Variants in UPK3A observed in about 807,000 individuals in gnomAD.
UPK3A encodes uroplakin-3a.
UPK3A carries 32 observed loss-of-function variants against 27.6 expected under a neutral mutation model. The observed-to-expected ratio is 1.16, with a 90% confidence interval of 0.87 to 1.55. The LOEUF is 1.55. UPK3A is among the 40% of genes most tolerant of loss of function. The probability of loss-of-function intolerance (pLI) is 0.00; values close to 1 mark genes in which losing one functional copy is unlikely to be tolerated. For missense variants in UPK3A, 370 were observed against 367.9 expected (o/e 1.01, Z -0.05); for synonymous variants, 171 against 163.9 (o/e 1.04, Z -0.33).
In UPK3A at chr22:45,295,492, C is replaced by G. The variant is rs903240864; in HGVS notation, c.705-68C>G. 10 of 1,571,650 alleles carry G rather than the reference C, an allele frequency of 6.4e-6. No homozygotes were observed. The South Asian group carries it at 1.1e-4, about 17-fold the overall frequency. ...AGCTATGTCTGAGTATGAAGGTCCC[C>G]AAGCAGCTAAAGGCATTTGGGTTTG... On this transcript the variant is annotated intron_variant, in intron 5 of 5. Transcript: ENST00000216211.
At chr22:45,291,098 C>T (rs999221575) in intron 4 of UPK3A, among the ~76,000 whole-genome samples, 1 of 152,310 alleles carries the variant, frequency 6.6e-6, no homozygotes, top group South Asian at 2.1e-4. Flanking sequence ...CCACCCCCAG[C>T]CCACTCCCGT....
intron 5 of UPK3A, 83 bp from the exon 6 acceptor site, chr22:45,295,477 G>T: frequency 7.0e-7 from 1 of 1,433,064 alleles, no homozygotes. Flanking sequence ...AGCTATGTCT[G>T]AGTATGAAGG....
intron 3 of UPK3A, 104 bp downstream of exon 3, chr22:45,287,555 A>G: frequency 7.0e-7 from 1 of 1,433,262 alleles, no homozygotes; most frequent in East Asian, 2.5e-5. Flanking sequence ...GAGAACTTAT[A>G]TGCTGAGAAC....
intron 4 of UPK3A, among the ~76,000 whole-genome samples, chr22:45,292,786 T>C (rs2147797583): frequency 6.6e-6 from 1 of 152,140 alleles, no homozygotes; most frequent in African/African-American, 2.4e-5. Context: ...CGTGCACCTG[T>C]AGTCCCGGCT....
chr22:45,289,594 G>GA (rs965463589), intron 4 of UPK3A, among the ~76,000 whole-genome samples: 11 of 121,632 alleles, frequency 9.0e-5, no homozygotes, highest in Non-Finnish European at 1.4e-4. Context: ...AAAAAAAAAA[G>GA]AAAAAAAAAA....
intron 5 of UPK3A, 57 bp downstream of exon 5, chr22:45,293,370 C>T: frequency 1.2e-6 from 2 of 1,606,598 alleles, no homozygotes; most frequent in South Asian, 2.2e-5. Context: ...ACACATTTGG[C>T]TCACAGGGAC....
At chr22:45,285,188 T>C in intron 1 of UPK3A, 123 bp downstream of exon 1, 4 of 891,422 alleles carry the variant, frequency 4.5e-6, no homozygotes, top group Non-Finnish European at 6.6e-6. Context: ...TTATGAATAA[T>C]AGTGATAGCC....
chr22:45,290,655 A>G (rs985115710), intron 4 of UPK3A, among the ~76,000 whole-genome samples: 1 of 151,708 alleles, frequency 6.6e-6, no homozygotes, highest in Admixed American at 6.6e-5. Context: ...GGGGTCCCCA[A>G]CCCCTGGGCC....
chr22:45,291,301 T>C (rs754857849), intron 4 of UPK3A, among the ~76,000 whole-genome samples: 9 of 142,848 alleles, frequency 6.3e-5, no homozygotes, highest in Admixed American at 2.1e-4. Context: ...GGTGGGGGTG[T>C]GTGTGAATGA....
chr22:45,293,227 A>G lies in UPK3A; in HGVS notation c.618A>G (p.Gly206=). ...TIDTWPGRRS[G]GMIVITSILG... ...ACACGTGGCCAGGCCGGCGGAGCGG[A>G]GGCATGATCGTCATCACTTCCATCC... The change falls in exon 5 of 6, where the codon GGA becomes GGG. Residue 206 remains glycine (G), a synonymous_variant. Coordinates refer to ENST00000216211, the MANE Select transcript of UPK3A (RefSeq NM_006953.4). The G allele has an allele frequency of 1.9e-6, 3 of 1,614,104 alleles. No individual in the cohort carries two copies. The highest frequency in any genetic ancestry group is 2.5e-6 in the Non-Finnish European group (3 of 1,180,036).
chr22:45,288,022 CCA>C (rs2084131622), intron 3 of UPK3A, among the ~76,000 whole-genome samples: 1 of 152,024 alleles, frequency 6.6e-6, no homozygotes, highest in African/African-American at 2.4e-5. Flanking sequence ...GCTCTGGGGC[CCA>C]CAGATTATGC....
chr22:45,292,088 A>G (rs1255016620), intron 4 of UPK3A, among the ~76,000 whole-genome samples: 1 of 152,176 alleles, frequency 6.6e-6, no homozygotes, highest in Non-Finnish European at 1.5e-5. Flanking sequence ...CTTGGGACTA[A>G]GAGTCCTGAG....
At chr22:45,295,378 T>C (rs930857911) in intron 5 of UPK3A, among the ~76,000 whole-genome samples, 182 bp from the exon 6 acceptor site, 1 of 152,108 alleles carries the variant, frequency 6.6e-6, no homozygotes, top group East Asian at 1.9e-4. Context: ...AAGGTGGACC[T>C]CTTCCTTATT....
At chr22:45,286,137 C>T in intron 2 of UPK3A, 41 bp downstream of exon 2, 1 of 1,612,640 alleles carries the variant, frequency 6.2e-7, no homozygotes, top group Non-Finnish European at 8.5e-7. Flanking sequence ...AAAAGGGGCT[C>T]TGACCTGTCT....
chr22:45,291,871 TGTGA>T, intron 4 of UPK3A, among the ~76,000 whole-genome samples: 1 of 151,084 alleles, frequency 6.6e-6, no homozygotes, highest in South Asian at 2.1e-4. Context: ...ATGTGTGGTG[TGTGA>T]GAGTGTGGCA....
chr22:45,288,944 TG>T, intron 3 of UPK3A, 116 bp from the exon 4 acceptor site: 1 of 955,026 alleles, frequency 1.0e-6, no homozygotes, highest in Non-Finnish European at 1.7e-6. Context: ...TTCCGTCTCC[TG>T]GAAGGGCCCC....
intron 4 of UPK3A, among the ~76,000 whole-genome samples, chr22:45,291,106 C>G (rs947776091): frequency 3.9e-5 from 6 of 152,194 alleles, no homozygotes; most frequent in African/African-American, 9.7e-5. Context: ...AGCCCACTCC[C>G]GTCTGCAGAA....
In UPK3A at chr22:45,293,388, T is replaced by C. The variant is rs566082183; in HGVS notation, c.704+75T>C. 7.2e-5 allele frequency: 114 copies of C among 1,589,334 alleles called. No homozygotes were observed. The Admixed American group carries it at 1.2e-3, about 16-fold the overall frequency. The stretch of plus-strand genomic sequence containing the variant: ...CATTTGGCTCACAGGGACTCAGCAG[T>C]GGGGTCCTCCGAGGCAGGGGACAGC... On this transcript the variant is annotated intron_variant, in intron 5 of 5. Transcript: ENST00000216211.
At position 45,293,193 on chromosome 22, in the gene UPK3A, C is replaced by T. The variant is rs373723064; in HGVS notation, c.584C>T (p.Ser195Leu). 1.7e-5 allele frequency: 28 copies of T among 1,613,928 alleles called. No individual in the cohort carries two copies. The highest frequency in any genetic ancestry group is 1.6e-4 in the African/African-American group (12 of 75,038). Residue 195 changes from serine to leucine, a missense_variant, in exon 5 of 6, where the codon TCG becomes TTG. Transcript: ENST00000216211. ...CATCCCACCACAGTCACCCCATACT[C>T]GACGATCGACACGTGGCCAGGCCGG... ...PIRTNQLTPY[S>L]TIDTWPGRRS...
Sources: allele counts gnomAD v4.1 joint callset (sites outside exome capture counted in the v4.1 genomes callset), GRCh38; gene constraint gnomAD v4.1.1; transcripts MANE v1.5; gene names NCBI Gene and HGNC (gene_info 2026-07-23, HGNC 2026-07-21).